TTC7B: variants seen among roughly 807,000 people sequenced by gnomAD.
TTC7B encodes tetratricopeptide repeat protein 7B.
TTC7B carries 28 observed loss-of-function variants against 106.8 expected under a neutral mutation model. That is an observed-to-expected ratio of 0.26 (90% CI 0.19 to 0.36). The LOEUF (loss-of-function observed/expected upper bound fraction) is 0.36, where lower values mean the gene tolerates loss of function less well. Ranked by LOEUF, TTC7B falls within the 10% of genes least tolerant of loss-of-function variation. The pLI is 1.00. For synonymous variants in TTC7B, 405 were observed against 430.6 expected (o/e 0.94, Z 0.74); for missense variants, 862 against 1,076.4 (o/e 0.80, Z 2.79).
intron 15 of TTC7B, among the ~76,000 whole-genome samples, chr14:90,626,870 T>C (rs547367414): frequency 6.6e-6 from 1 of 152,304 alleles, no homozygotes; most frequent in South Asian, 2.1e-4. Flanking sequence ...CCTAAGCGCG[T>C]CTTCTCTAGG....
In TTC7B at chr14:90,533,932, G is replaced by C. The variant is rs1384226994; in HGVS notation, c.*7436C>G. On this transcript the variant is annotated 3_prime_UTR_variant, in exon 20 of 20. Coordinates refer to ENST00000328459, the MANE Select transcript of TTC7B (RefSeq NM_001010854.2). ...CCCTGAGGCCCTGTGTGGTGGTCCTGAGGGGCGGTAGCCCTCGTGTCCCCT... is the reference window on the plus strand; with the variant it reads ...CCCTGAGGCCCTGTGTGGTGGTCCTCAGGGGCGGTAGCCCTCGTGTCCCCT... 6.6e-6 allele frequency: 1 copy of C among 152,406 alleles called. No individual in the cohort carries two copies. Among genetic ancestry groups the C allele is most frequent in the African/African-American group, 2.4e-5 (1 of 41,474 alleles). The allele number at this position is 152,406 out of a possible 1,614,324, so 9.4% of individuals were successfully genotyped here.
intron 1 of TTC7B, among the ~76,000 whole-genome samples, chr14:90,814,125 C>T (rs1309038480): frequency 6.6e-6 from 1 of 152,210 alleles, no homozygotes; most frequent in East Asian, 1.9e-4. Flanking sequence ...ACTGAACTTG[C>T]ACACAGACCC....
rs780361902 is a variant in TTC7B at position 90,600,877 on chromosome 14, T to C, written c.1967-7251A>G. Among the ~76,000 whole-genome samples, 6 of 152,300 alleles carry C rather than the reference T, an allele frequency of 3.9e-5. No individual in the cohort carries two copies. Among genetic ancestry groups the C allele is most frequent in the Non-Finnish European group, 5.9e-5 (4 of 68,026 alleles). On this transcript the variant is annotated intron_variant, in intron 17 of 19. Coordinates refer to ENST00000328459, the MANE Select transcript of TTC7B (RefSeq NM_001010854.2). This position sits in a 1 kb window ranked among gnomAD's most constrained non-coding sequence, Gnocchi z 4.3. ...TTGGGCAGATGCTTCCATCTCCACC[T>C]GAACCCTCCCTGATGCATATTCATG...
chr14:90,567,043 G>T (rs1162078835), intron 19 of TTC7B, among the ~76,000 whole-genome samples: 1 of 151,980 alleles, frequency 6.6e-6, no homozygotes, highest in Non-Finnish European at 1.5e-5. Context: ...GAAGGCGGGG[G>T]CGGGGAGGGG....
intron 5 of TTC7B, among the ~76,000 whole-genome samples, chr14:90,696,047 C>T (rs12893661): frequency 0.35 from 53,068 of 151,872 alleles, 9,697 homozygotes; most frequent in East Asian, 0.6. Flanking sequence ...AACCACTCTG[C>T]ATCTTTGAGA....
chr14:90,709,524 C>T lies in TTC7B; in HGVS notation c.699-13946G>A, dbSNP rs867525582. On this transcript the variant is annotated intron_variant, in intron 5 of 19. Transcript: ENST00000328459. The stretch of plus-strand genomic sequence containing the variant: ...ACACAGGAAGGGGAACATCACACAC[C>T]GGGGACTGTTGTGGGGTGGGGGGAG... Among the ~76,000 whole-genome samples, 450 of 100,356 alleles carry T rather than the reference C, an allele frequency of 4.5e-3. 3 individuals carry two copies. Among genetic ancestry groups the T allele is most frequent in the African/African-American group, 0.017 (421 of 24,566 alleles). 65.8% of individuals were successfully genotyped at this position (100,356 alleles called of 152,430 possible). A position where few individuals can be genotyped will look rare whatever the true frequency, so the allele number is the denominator to read the frequency against.
chr14:90,578,275 T>A lies in TTC7B; in HGVS notation c.2141A>T (p.Glu714Val). The A allele has an allele frequency of 6.2e-7, 1 of 1,614,204 alleles. No homozygotes were observed. Among genetic ancestry groups the A allele is most frequent in the Non-Finnish European group, 8.5e-7 (1 of 1,180,038 alleles). The stretch of plus-strand genomic sequence containing the variant: ...AGCTTCTTGGGTACAGGCTGTGGCT[T>A]CTGCAGGCTTCCCGATGCCGATATA... Reference protein sequence around the residue: ...EVYIGIGKPAEATACTQEAAN... With the variant: ...EVYIGIGKPAVATACTQEAAN... Residue 714 changes from glutamate to valine, a missense_variant, in exon 19 of 20, where the codon GAA (glutamate) becomes GTA (valine). Physicochemically the swap from Glu to Val is moderately radical, Grantham distance 121 (BLOSUM62 -2). Transcript: ENST00000328459. This position sits in a 1 kb window ranked among gnomAD's most constrained non-coding sequence, Gnocchi z 4.7.
At chr14:90,734,135 C>A (rs538162787) in intron 4 of TTC7B, among the ~76,000 whole-genome samples, 1 of 152,086 alleles carries the variant, frequency 6.6e-6, no homozygotes, top group East Asian at 1.9e-4. Context: ...AAGGAGGAAA[C>A]AGGCCAGGCG....
chr14:90,814,350 C>T (rs1209479120), intron 1 of TTC7B, among the ~76,000 whole-genome samples: 2 of 152,210 alleles, frequency 1.3e-5, no homozygotes, highest in Non-Finnish European at 2.9e-5. Context: ...TTCTCAATCA[C>T]ATTAACTCAT....
chr14:90,711,423 CAG>C (rs1278181288), intron 5 of TTC7B, among the ~76,000 whole-genome samples: 6 of 152,090 alleles, frequency 3.9e-5, no homozygotes, highest in Non-Finnish European at 7.4e-5. Flanking sequence ...ATAGAGAAAA[CAG>C]AATTATTTTT....
At chr14:90,699,214 A>C in intron 5 of TTC7B, 1 of 456,016 alleles carries the variant, frequency 2.2e-6, no homozygotes, top group Non-Finnish European at 4.4e-6. Context: ...TAATATTGCC[A>C]TCTGTCCCTC....
chr14:90,602,293 A>T, intron 17 of TTC7B: 1 of 450,808 alleles, frequency 2.2e-6, no homozygotes, highest in Non-Finnish European at 4.5e-6. Flanking sequence ...GTGAACTATG[A>T]AGCACTAGGC....
At chr14:90,621,308 G>A (rs948402592) in intron 15 of TTC7B, among the ~76,000 whole-genome samples, 33 of 147,198 alleles carry the variant, frequency 2.2e-4, no homozygotes, top group African/African-American at 7.1e-4. Flanking sequence ...CAGAGGCCAC[G>A]CGGGTACAGC....
At chr14:90,758,824 G>A (rs1174452241) in intron 3 of TTC7B, among the ~76,000 whole-genome samples, 1 of 152,290 alleles carries the variant, frequency 6.6e-6, no homozygotes, top group East Asian at 1.9e-4. Flanking sequence ...CAGGAAGCAG[G>A]CACCCCTCAC....
intron 3 of TTC7B, among the ~76,000 whole-genome samples, chr14:90,762,003 G>A (rs941017006): frequency 3.3e-5 from 5 of 152,238 alleles, no homozygotes; most frequent in African/African-American, 1.2e-4. Flanking sequence ...CTGCATAGGA[G>A]ATGAAAGAGA....
intron 19 of TTC7B, among the ~76,000 whole-genome samples, chr14:90,566,984 C>CAATT (rs1281463158): frequency 6.6e-6 from 1 of 150,700 alleles, no homozygotes; most frequent in Non-Finnish European, 1.5e-5. Context: ...GAGCCTCACA[C>CAATT]AATTGCACTC....
chr14:90,648,172 G>A (rs1050004348), intron 13 of TTC7B, among the ~76,000 whole-genome samples: 1 of 152,050 alleles, frequency 6.6e-6, no homozygotes, highest in Non-Finnish European at 1.5e-5. Flanking sequence ...GCAGGTCCAG[G>A]GTGAGGCAAA....
intron 17 of TTC7B, chr14:90,605,841 T>C (rs956367439): frequency 1.4e-5 from 14 of 1,032,554 alleles, no homozygotes; most frequent in Admixed American, 4.0e-5. Flanking sequence ...TCGCTTTTAA[T>C]ATACTCACAT....
At chr14:90,670,016 A>T (rs951028993) in intron 9 of TTC7B, among the ~76,000 whole-genome samples, 1 of 152,240 alleles carries the variant, frequency 6.6e-6, no homozygotes, top group African/African-American at 2.4e-5. Context: ...GGACAGGAGA[A>T]GGAAGGAAAG....
Sources: gnomAD v4.1 joint callset for allele counts (sites outside exome capture counted in the v4.1 genomes callset) on GRCh38, gnomAD v4.1.1 for gene constraint, Gnocchi (gnomAD v3.1) non-coding constraint, MANE v1.5 for transcripts, NCBI Gene and HGNC (gene_info 2026-07-23, HGNC 2026-07-21) for gene names.